KAT7: variants seen among roughly 807,000 people sequenced by gnomAD.
KAT7 encodes the protein histone acetyltransferase KAT7.
KAT7 carries 10 observed loss-of-function variants against 82.1 expected under a neutral mutation model. The observed-to-expected ratio is 0.12, with a 90% confidence interval of 0.08 to 0.21. The LOEUF is 0.21. Among genes scored for constraint, KAT7 ranks in the 10% least tolerant of loss-of-function variants. The pLI, the probability that KAT7 is intolerant of heterozygous loss-of-function variation, is 1.00. For missense variants in KAT7, 378 were observed against 760.9 expected (o/e 0.50, Z 5.92); for synonymous variants, 250 against 262.5 (o/e 0.95, Z 0.46).
At chr17:49,806,858 G>A (rs2074097896) in intron 5 of KAT7, among the ~76,000 whole-genome samples, 1 of 152,180 alleles carries the variant, frequency 6.6e-6, no homozygotes, top group Non-Finnish European at 1.5e-5. Flanking sequence ...GGCATTAGGC[G>A]CAGAATAATC....
chr17:49,821,940 C>A, intron 11 of KAT7, 150 bp downstream of exon 11: 1 of 692,444 alleles, frequency 1.4e-6, no homozygotes, highest in East Asian at 2.7e-5. Flanking sequence ...AAAGGCAAAC[C>A]CATGTATCAA....
At chr17:49,799,016 C>G (rs756751918) in intron 4 of KAT7, among the ~76,000 whole-genome samples, 1 of 152,210 alleles carries the variant, frequency 6.6e-6, no homozygotes, top group Non-Finnish European at 1.5e-5. Flanking sequence ...CCCTGGCCTT[C>G]TGTAACTTTA....
chr17:49,823,062 C>T, intron 11 of KAT7, 140 bp from the exon 12 acceptor site: 3 of 608,116 alleles, frequency 4.9e-6, no homozygotes, highest in East Asian at 5.6e-5. Context: ...GTGGTTATAA[C>T]AGCTGTGAGC....
intron 4 of KAT7, among the ~76,000 whole-genome samples, chr17:49,800,370 A>G (rs2074009822): frequency 6.6e-6 from 1 of 152,160 alleles, no homozygotes. Context: ...AAATACAGCA[A>G]AGTTGTCTTG....
intron 6 of KAT7, among the ~76,000 whole-genome samples, chr17:49,811,122 T>C (rs976108706): frequency 3.3e-5 from 5 of 151,596 alleles, no homozygotes; most frequent in Admixed American, 2.6e-4. Flanking sequence ...TTTTTTTTTG[T>C]TTTTGTGCCA....
chr17:49,826,383 T>C (rs1012276421), intron 13 of KAT7: 7 of 511,368 alleles, frequency 1.4e-5, no homozygotes, highest in Admixed American at 3.6e-5. Flanking sequence ...GAAGCAAAAC[T>C]TCAGATCGTT....
intron 8 of KAT7, 87 bp downstream of exon 8, chr17:49,816,000 G>A: frequency 2.7e-6 from 2 of 753,332 alleles, no homozygotes; most frequent in Non-Finnish European, 4.6e-6. Flanking sequence ...AGTTTGATGG[G>A]AATTAAATGT....
chr17:49,800,767 A>G (rs748899167), intron 4 of KAT7, among the ~76,000 whole-genome samples: 1 of 152,164 alleles, frequency 6.6e-6, no homozygotes, highest in Non-Finnish European at 1.5e-5. Context: ...TAGACGTGTA[A>G]TATATCAACT....
chr17:49,821,013 A>T (rs2074297043), intron 9 of KAT7, among the ~76,000 whole-genome samples: 1 of 152,102 alleles, frequency 6.6e-6, no homozygotes, highest in Non-Finnish European at 1.5e-5. Context: ...TGTTGGCTTG[A>T]GGCATTTGGT....
At chr17:49,809,054 C>G in intron 5 of KAT7, 65 bp from the exon 6 acceptor site, 1 of 1,252,108 alleles carries the variant, frequency 8.0e-7, no homozygotes, top group East Asian at 2.3e-5. Context: ...TCATTGTATT[C>G]TTATGCTTTA....
chr17:49,826,760 C>T lies in KAT7; in HGVS notation c.1695C>T (p.Leu565=). ...IVSTLQALQM[L]KYWKGKHLVL... The stretch of plus-strand genomic sequence containing the variant: ...GCACTCTGCAAGCCCTTCAGATGCT[C>T]AAATACTGGAAGGGAAAACACCTAG... The change falls in exon 14 of 15, where the codon CTC becomes CTT. Residue 565 remains leucine (L), a synonymous_variant. Coordinates refer to ENST00000259021, the MANE Select transcript of KAT7 (RefSeq NM_007067.5). 1 of 1,612,112 alleles carries T rather than the reference C, an allele frequency of 6.2e-7. No homozygotes were observed. The highest frequency in any genetic ancestry group is 8.5e-7 in the Non-Finnish European group (1 of 1,179,112).
At position 49,788,760 on chromosome 17, in the gene KAT7, G is replaced by C. The variant is rs957688845; in HGVS notation, c.-75G>C. 2 of 1,517,134 alleles carry C rather than the reference G, an allele frequency of 1.3e-6. No homozygotes were observed. Among genetic ancestry groups the C allele is most frequent in the Non-Finnish European group, 1.8e-6 (2 of 1,123,280 alleles). The allele number at this position is 1,517,134 out of a possible 1,614,324, so 94.0% of individuals were successfully genotyped here. A position where few individuals can be genotyped will look rare whatever the true frequency, so the allele number is the denominator to read the frequency against. On this transcript the variant is annotated 5_prime_UTR_variant, in exon 1 of 15. Coordinates refer to ENST00000259021, the MANE Select transcript of KAT7 (RefSeq NM_007067.5). Reference sequence around the variant, plus strand: ...TGGGACTGATACAGAGGCCGCCACGGAGCCCGCCGGAGCCACCGTTCCTGC... The same window carrying C: ...TGGGACTGATACAGAGGCCGCCACGCAGCCCGCCGGAGCCACCGTTCCTGC...
chr17:49,825,777 AAG>A (rs2074361635), intron 12 of KAT7, among the ~76,000 whole-genome samples: 1 of 152,212 alleles, frequency 6.6e-6, no homozygotes, highest in Non-Finnish European at 1.5e-5. Flanking sequence ...CCCTGTGAAT[AAG>A]AGGGGACTCC....
intron 4 of KAT7, among the ~76,000 whole-genome samples, chr17:49,804,347 CCA>C (rs2074064483): frequency 6.6e-6 from 1 of 151,800 alleles, no homozygotes; most frequent in South Asian, 2.1e-4. Context: ...TCACTGCACT[CCA>C]GTCTGGGCAA....
chr17:49,804,422 TTAAA>T (rs1300080959), intron 4 of KAT7, among the ~76,000 whole-genome samples: 1 of 152,092 alleles, frequency 6.6e-6, no homozygotes, highest in Non-Finnish European at 1.5e-5. Context: ...AGATACCCAT[TTAAA>T]TAAAACAAGC....
intron 4 of KAT7, among the ~76,000 whole-genome samples, chr17:49,801,805 C>T (rs201124973): frequency 3.3e-5 from 5 of 151,750 alleles, no homozygotes; most frequent in East Asian, 1.9e-4. Context: ...ATATTCTTGA[C>T]CCTAGTCTAT....
Position 49,791,980 on chromosome 17 carries a change from G to C in KAT7, c.110G>C (p.Arg37Pro), listed in dbSNP as rs189304343. The change falls in exon 2 of 15, where the codon CGA becomes CCA. Residue 37 changes from arginine to proline, a missense_variant. This residue lies in a region of KAT7 where 161 missense variants were observed against 229.6 expected (regional missense o/e 0.70). Coordinates refer to ENST00000259021, the MANE Select transcript of KAT7 (RefSeq NM_007067.5). ...TDSSESDGTS[R>P]RSARVTRSSA... ...AGTTCAGAAAGTGATGGCACATCCC[G>C]ACGATCTGCTCGAGTCACCCGCTCC... is the stretch of plus-strand genomic sequence containing the variant. The C allele has an allele frequency of 6.2e-7, 1 of 1,614,116 alleles. No homozygotes were observed. The highest frequency in any genetic ancestry group is 2.2e-5 in the East Asian group (1 of 44,886).
chr17:49,808,453 C>CTT (rs528916586), intron 5 of KAT7, among the ~76,000 whole-genome samples: 2 of 130,588 alleles, frequency 1.5e-5, no homozygotes, highest in African/African-American at 5.6e-5. Flanking sequence ...TTCTTTCTTT[C>CTT]TTTTTTTTTT....
At chr17:49,807,428 A>G (rs894036039) in intron 5 of KAT7, among the ~76,000 whole-genome samples, 1 of 152,218 alleles carries the variant, frequency 6.6e-6, no homozygotes. Context: ...CAGCAAGTGC[A>G]GAGGCCATGA....
Sources: allele counts gnomAD v4.1 joint callset (sites outside exome capture counted in the v4.1 genomes callset), GRCh38; gene constraint gnomAD v4.1.1; regional missense constraint gnomAD v4.1.1; transcripts MANE v1.5; gene names NCBI Gene and HGNC (gene_info 2026-07-23, HGNC 2026-07-21).